ZNF69: variants seen among roughly 807,000 people sequenced by gnomAD.
ZNF69 encodes ZNF3.
Under a neutral mutation model 50.9 loss-of-function variants are expected in ZNF69, and 47 were observed. That is an observed-to-expected ratio of 0.92 (90% CI 0.73 to 1.18). The LOEUF is 1.18. Among genes scored for constraint, ZNF69 ranks in the 50% most tolerant of loss-of-function variants. ZNF69 has a pLI of 0.00. For missense variants in ZNF69, 717 were observed against 675.1 expected (o/e 1.06, Z -0.69); for synonymous variants, 216 against 223.1 (o/e 0.97, Z 0.29).
the ZNF69 span, chr19:11,977,344 G>T: frequency 1.2e-6 from 2 of 1,612,678 alleles, no homozygotes; most frequent in African/African-American, 2.7e-5. Flanking sequence ...ATTGCTTCAG[G>T]ACTACTTTTC....
At chr19:11,974,684 C>T in the ZNF69 span, among the ~76,000 whole-genome samples, 1 of 152,030 alleles carries the variant, frequency 6.6e-6, no homozygotes, top group Non-Finnish European at 1.5e-5. Context: ...CTCACTGCAA[C>T]TTCCACCTCC....
chr19:11,929,353 A>G, the ZNF69 span, among the ~76,000 whole-genome samples: 16 of 148,064 alleles, frequency 1.1e-4, 2 homozygotes, highest in South Asian at 4.2e-4. Context: ...TAGTAAAGAC[A>G]GGGTTTTACC....
At chr19:11,948,323 G>T in the ZNF69 span, 1,185 of 1,613,730 alleles carry the variant, frequency 7.3e-4, no homozygotes, top group Non-Finnish European at 9.7e-4. Context: ...GACAGTCATT[G>T]TGGAGAAACT....
chr19:11,927,109 T>C, the ZNF69 span, among the ~76,000 whole-genome samples: 1 of 152,138 alleles, frequency 6.6e-6, no homozygotes. Flanking sequence ...TCCAAGCACT[T>C]TGGGAGGCCA....
At chr19:11,977,106 G>T in the ZNF69 span, 1 of 1,603,796 alleles carries the variant, frequency 6.2e-7, no homozygotes, top group South Asian at 1.1e-5. Context: ...TGGATATTTC[G>T]CAGAGGAAAC....
chr19:11,965,499 A>G, the ZNF69 span, among the ~76,000 whole-genome samples: 1 of 152,224 alleles, frequency 6.6e-6, no homozygotes, highest in Admixed American at 6.5e-5. Flanking sequence ...GATTATGCGG[A>G]AGCCACGAGA....
the ZNF69 span, among the ~76,000 whole-genome samples, chr19:11,966,533 C>G: frequency 1.3e-5 from 2 of 152,108 alleles, no homozygotes; most frequent in South Asian, 4.1e-4. Context: ...ACCACCATGC[C>G]TGGCTAATTT....
the ZNF69 span, chr19:11,979,444 T>C: frequency 3.7e-6 from 6 of 1,607,016 alleles, no homozygotes; most frequent in African/African-American, 1.3e-5. Context: ...GAATACACTC[T>C]GGAGAAAGAC....
the ZNF69 span, among the ~76,000 whole-genome samples, chr19:11,936,582 A>T: frequency 6.6e-6 from 1 of 151,818 alleles, no homozygotes; most frequent in Non-Finnish European, 1.5e-5. Context: ...TAGATTCTGG[A>T]TATTAGTCGT....
At chr19:11,941,368 C>G in the ZNF69 span, among the ~76,000 whole-genome samples, 1 of 152,262 alleles carries the variant, frequency 6.6e-6, no homozygotes, top group East Asian at 1.9e-4. Context: ...CGGGGAGGCT[C>G]GGGCCGCACA....
chr19:11,980,047 C>T, the ZNF69 span: 3 of 1,096,584 alleles, frequency 2.7e-6, no homozygotes, highest in South Asian at 3.7e-5. Context: ...AAAGGACTCA[C>T]ACTGGAGAGA....
chr19:11,925,422 T>C, the ZNF69 span: 1 of 1,325,464 alleles, frequency 7.5e-7, no homozygotes. Context: ...TCGGTCCCCT[T>C]GGCCGCTGGA....
chr19:11,921,072 C>T, the ZNF69 span, among the ~76,000 whole-genome samples: 6 of 152,242 alleles, frequency 3.9e-5, no homozygotes, highest in Admixed American at 2.6e-4. Context: ...CCAAAGTGCC[C>T]CTTTCTAATA....
chr19:11,947,755 C>G, the ZNF69 span, among the ~76,000 whole-genome samples: 18 of 152,182 alleles, frequency 1.2e-4, 1 homozygote, highest in Non-Finnish European at 2.9e-5. Flanking sequence ...CCTGTAATCC[C>G]AGTCCTTTGA....
chr19:11,938,015 T>C, the ZNF69 span, among the ~76,000 whole-genome samples: 2 of 152,192 alleles, frequency 1.3e-5, no homozygotes, highest in South Asian at 2.1e-4. Context: ...ACACTACTCA[T>C]AAATGGGCTA....
At chr19:11,942,381 C>T in the ZNF69 span, among the ~76,000 whole-genome samples, 8,501 of 151,886 alleles carry the variant, frequency 0.056, 800 homozygotes, top group African/African-American at 0.19. Context: ...CATAGGACTC[C>T]GTTATGACAG....
At chr19:11,908,851 A>G (rs950492879), downstream of ZNF69, among the ~76,000 whole-genome samples, 2 of 152,212 alleles carry the variant, frequency 1.3e-5, no homozygotes, top group African/African-American at 4.8e-5. Context: ...CAGAGACAGA[A>G]AAAACCCTTC....
At chr19:11,923,847 C>A in the ZNF69 span, among the ~76,000 whole-genome samples, 1 of 152,164 alleles carries the variant, frequency 6.6e-6, no homozygotes, top group African/African-American at 2.4e-5. Flanking sequence ...GCCAGTGATT[C>A]CACGTTGAGG....
chr19:11,966,285 G>A, the ZNF69 span, among the ~76,000 whole-genome samples: 1 of 152,200 alleles, frequency 6.6e-6, no homozygotes, highest in Non-Finnish European at 1.5e-5. Context: ...CTGCCATCCT[G>A]TCATACAGAG....
Sources: gnomAD v4.1 joint callset for allele counts (sites outside exome capture counted in the v4.1 genomes callset) on GRCh38, gnomAD v4.1.1 for gene constraint, MANE v1.5 for transcripts, NCBI Gene and HGNC (gene_info 2026-07-23, HGNC 2026-07-21) for gene names.